The following CRIM1 variants were observed in gnomAD, a reference collection of about 807,000 sequenced individuals.
CRIM1 encodes cysteine rich transmembrane BMP regulator 1, also known as cysteine-rich motor neuron 1 protein.
CRIM1 carries 32 observed loss-of-function variants against 116.4 expected under a neutral mutation model. The observed-to-expected ratio is 0.27, with a 90% CI of 0.21 to 0.37. CRIM1 has a LOEUF of 0.37. Ranked by LOEUF, CRIM1 falls within the 10% of genes least tolerant of loss-of-function variation. The pLI, the probability that CRIM1 is intolerant of heterozygous loss-of-function variation, is 1.00. For missense variants in CRIM1, 1,331 were observed against 1,354.8 expected, an observed-to-expected ratio of 0.98 and a Z score of 0.28; for synonymous variants, 590 against 509.2, an observed-to-expected ratio of 1.16 and a Z score of -2.13.
intron 13 of CRIM1, chr2:36,529,075 C>T: frequency 2.1e-6 from 1 of 470,756 alleles, no homozygotes; most frequent in Non-Finnish European, 4.4e-6. Context: ...AAGAGCTCTG[C>T]TGCACGGAAG....
chr2:36,387,676 C>T (rs533584851), intron 1 of CRIM1, among the ~76,000 whole-genome samples: 2 of 152,280 alleles, frequency 1.3e-5, no homozygotes, highest in East Asian at 3.9e-4. Flanking sequence ...TGGAGCCATT[C>T]AGTGTCTAAC....
chr2:36,376,060 A>G (rs1480245879), intron 1 of CRIM1, among the ~76,000 whole-genome samples: 1 of 152,240 alleles, frequency 6.6e-6, no homozygotes, highest in Non-Finnish European at 1.5e-5. Flanking sequence ...CCCATTAGAA[A>G]AAAAGGTTTA....
chr2:36,519,325 T>A (rs1558394949), intron 12 of CRIM1, among the ~76,000 whole-genome samples: 1 of 152,210 alleles, frequency 6.6e-6, no homozygotes, highest in Non-Finnish European at 1.5e-5. Context: ...GCAGTGGTAG[T>A]CCTGCATTCC....
At chr2:36,390,482 G>A (rs1206090549) in intron 1 of CRIM1, among the ~76,000 whole-genome samples, 1 of 152,188 alleles carries the variant, frequency 6.6e-6, no homozygotes, top group Non-Finnish European at 1.5e-5. Context: ...TTCAGGGCAC[G>A]GGGTGTTGAA....
chr2:36,519,448 C>T (rs1394909887), intron 12 of CRIM1, among the ~76,000 whole-genome samples: 1 of 152,106 alleles, frequency 6.6e-6, no homozygotes, highest in East Asian at 1.9e-4. Context: ...TGTTTCTGGA[C>T]TTTTTCATTC....
At chr2:36,363,154 C>G (rs906194116) in intron 1 of CRIM1, among the ~76,000 whole-genome samples, 1 of 149,748 alleles carries the variant, frequency 6.7e-6, no homozygotes, top group Non-Finnish European at 1.5e-5. Context: ...GAGCTGAAAT[C>G]GCACCACTGC....
At chr2:36,483,879 C>T (rs1679614206) in intron 7 of CRIM1, among the ~76,000 whole-genome samples, 1 of 152,184 alleles carries the variant, frequency 6.6e-6, no homozygotes, top group Admixed American at 6.5e-5. Context: ...AAGCTGATGG[C>T]CATTGGGACC....
rs200292966 is a variant in CRIM1, at chr2:36,510,036, G to A, written c.1555G>A (p.Gly519Ser). The change falls in exon 9 of 17, where the codon GGT becomes AGT. Residue 519 changes from glycine to serine, a missense_variant. Transcript: ENST00000280527. ...AGGCTGCACCTTGAACTGTCCCTTC[G>A]GTTTCCTTACTGATGCCCAAAACTG... ...KQGCTLNCPF[G>S]FLTDAQNCEI... The A allele has an allele frequency of 3.3e-5, 53 of 1,614,008 alleles. No homozygotes were observed. Among genetic ancestry groups the A allele is most frequent in the East Asian group, 6.7e-5 (3 of 44,886 alleles).
intron 5 of CRIM1, among the ~76,000 whole-genome samples, chr2:36,474,390 C>A (rs1291163026): frequency 6.6e-6 from 1 of 152,086 alleles, no homozygotes; most frequent in Non-Finnish European, 1.5e-5. Context: ...AGAAACCACT[C>A]CCTAATCAAA....
chr2:36,364,388 G>C (rs1669451333), intron 1 of CRIM1, among the ~76,000 whole-genome samples: 1 of 152,166 alleles, frequency 6.6e-6, no homozygotes, highest in Non-Finnish European at 1.5e-5. Flanking sequence ...TATGGTCCTT[G>C]TTTTCACACA....
intron 15 of CRIM1, 118 bp downstream of exon 15, chr2:36,544,616 A>G (rs563249953): frequency 2.7e-5 from 29 of 1,092,210 alleles, no homozygotes; most frequent in South Asian, 4.4e-5. Flanking sequence ...GTAAATTCAA[A>G]TAACTATTCC....
intron 7 of CRIM1, among the ~76,000 whole-genome samples, chr2:36,488,419 C>T (rs1679990716): frequency 6.6e-6 from 1 of 152,122 alleles, no homozygotes; most frequent in Admixed American, 6.5e-5. Flanking sequence ...GCATGAGCTC[C>T]CAGAATGCAG....
chr2:36,513,439 C>A, intron 10 of CRIM1, 117 bp from the exon 11 acceptor site: 1 of 741,650 alleles, frequency 1.3e-6, no homozygotes, highest in Non-Finnish European at 2.4e-6. Context: ...ATGTCACAAA[C>A]TGTCCTGTGT....
chr2:36,522,818 AGAAG>A (rs1209596089), intron 13 of CRIM1, among the ~76,000 whole-genome samples: 5 of 142,220 alleles, frequency 3.5e-5, no homozygotes, highest in Admixed American at 6.8e-5. Flanking sequence ...AAAAAAAAGA[AGAAG>A]AAGAAGAAGG....
At chr2:36,360,726 C>T (rs184836957) in intron 1 of CRIM1, among the ~76,000 whole-genome samples, 2 of 152,212 alleles carry the variant, frequency 1.3e-5, no homozygotes, top group South Asian at 2.1e-4. Context: ...CCAAACATTT[C>T]ATTCTGCACA....
At chr2:36,528,138 T>C (rs1002973739) in intron 13 of CRIM1, among the ~76,000 whole-genome samples, 2 of 152,232 alleles carry the variant, frequency 1.3e-5, no homozygotes, top group African/African-American at 4.8e-5. Flanking sequence ...GAATTGCTGC[T>C]CTCGTAACAC....
intron 4 of CRIM1, among the ~76,000 whole-genome samples, chr2:36,463,363 A>G (rs185860511): frequency 4.6e-5 from 7 of 152,326 alleles, no homozygotes; most frequent in Admixed American, 3.9e-4. Context: ...AGAAGGGGGG[A>G]CAAAAGCACA....
intron 2 of CRIM1, among the ~76,000 whole-genome samples, chr2:36,428,734 A>G (rs1478480256): frequency 2.0e-5 from 3 of 152,220 alleles, no homozygotes; most frequent in African/African-American, 7.2e-5. Context: ...GTGTTTCTCA[A>G]GTGATTCAGA....
intron 1 of CRIM1, among the ~76,000 whole-genome samples, chr2:36,381,646 G>T (rs544468519): frequency 6.6e-6 from 1 of 152,214 alleles, no homozygotes; most frequent in African/African-American, 2.4e-5. Context: ...TTCCAGCCAG[G>T]TGCAGTGGCT....
Sources: gnomAD v4.1 joint callset for allele counts (sites outside exome capture counted in the v4.1 genomes callset) on GRCh38, gnomAD v4.1.1 for gene constraint, MANE v1.5 for transcripts, NCBI Gene and HGNC (gene_info 2026-07-23, HGNC 2026-07-21) for gene names.